The following CRBN variants were observed in gnomAD, a reference collection of about 807,000 sequenced individuals.
The protein encoded by CRBN is cereblon, also known as protein cereblon.
A neutral mutation model predicts 62.2 loss-of-function variants in CRBN; 53 were observed. That is an observed-to-expected ratio of 0.85 (90% CI 0.68 to 1.07). CRBN has a LOEUF of 1.07. Ranked by LOEUF, CRBN falls within the 50% of genes least tolerant of loss-of-function variation. The pLI, the probability that CRBN is intolerant of heterozygous loss-of-function variation, is 0.00. For synonymous variants in CRBN, 208 were observed against 176.1 expected, an observed-to-expected ratio of 1.18 and a Z score of -1.43; for missense variants, 616 against 531.1, an observed-to-expected ratio of 1.16 and a Z score of -1.57.
intron 1 of CRBN, among the ~76,000 whole-genome samples, chr3:3,177,886 A>G (rs1469274326): frequency 1.3e-5 from 2 of 152,206 alleles, no homozygotes; most frequent in Admixed American, 1.3e-4. Context: ...ACTACATGGA[A>G]TTATGGAAAG....
intron 1 of CRBN, among the ~76,000 whole-genome samples, chr3:3,176,460 G>T (rs141165808): frequency 1.2e-4 from 18 of 152,194 alleles, no homozygotes; most frequent in Non-Finnish European, 2.4e-4. Context: ...TGAAGGCCAG[G>T]TGTGGTGGCT....
chr3:3,179,717 A>G (rs760947906), upstream of CRBN: 10 of 1,606,900 alleles, frequency 6.2e-6, no homozygotes, highest in South Asian at 1.1e-4. Context: ...AGGCTGGGAC[A>G]GGGCGGTGCC....
Position 3,156,289 on chromosome 3 carries a change from C to A in CRBN, c.688-8G>T. ...TGCACAATGAAACTTTCTCTGAAAA[C>A]AAAACAAAAAGGCACTTAAAAAACC... On this transcript the variant is annotated splice_region_variant and splice_polypyrimidine_tract_variant and intron_variant, in intron 5 of 10. Transcript: ENST00000231948. 6.2e-7 allele frequency: 1 copy of A among 1,613,246 alleles called. No individual in the cohort carries two copies. The highest frequency in any genetic ancestry group is 2.2e-5 in the East Asian group (1 of 44,828).
At chr3:3,163,321 A>C (rs957549264) in intron 5 of CRBN, among the ~76,000 whole-genome samples, 2 of 152,198 alleles carry the variant, frequency 1.3e-5, no homozygotes, top group African/African-American at 4.8e-5. Flanking sequence ...GCCCTTGGCA[A>C]CTCTGAATAT....
At chr3:3,156,193 A>C (rs775957759) in intron 6 of CRBN, 26 bp downstream of exon 6, 2 of 1,588,936 alleles carry the variant, frequency 1.3e-6, no homozygotes, top group Admixed American at 3.3e-5. Context: ...ACCATATATA[A>C]AGTAAATTTA....
At chr3:3,177,705 GTC>G (rs892599571) in intron 1 of CRBN, among the ~76,000 whole-genome samples, 1 of 152,126 alleles carries the variant, frequency 6.6e-6, no homozygotes, top group African/African-American at 2.4e-5. Flanking sequence ...CTGACTCCTA[GTC>G]TCTAAATAAT....
At chr3:3,155,534 C>T (rs1706849380) in intron 6 of CRBN, 1 of 153,014 alleles carries the variant, frequency 6.5e-6, no homozygotes. Flanking sequence ...ACTCTGAAGT[C>T]AGTCTCTGAT....
At chr3:3,156,997 ACT>A (rs1360894872) in intron 5 of CRBN, among the ~76,000 whole-genome samples, 5 of 152,288 alleles carry the variant, frequency 3.3e-5, no homozygotes, top group Admixed American at 1.3e-4. Context: ...TGAGGGGGAG[ACT>A]CAATACTGTT....
chr3:3,167,314 T>C (rs945577152), intron 5 of CRBN: 12 of 238,022 alleles, frequency 5.0e-5, no homozygotes, highest in Non-Finnish European at 9.1e-5. Flanking sequence ...AATGGATGTT[T>C]ATAACTCAAG....
chr3:3,175,380 ACT>A (rs1183693573), intron 1 of CRBN, 111 bp from the exon 2 acceptor site: 3 of 772,418 alleles, frequency 3.9e-6, no homozygotes, highest in Non-Finnish European at 6.6e-6. Flanking sequence ...CATTTGGTAA[ACT>A]CTACAGCACC....
chr3:3,174,616 G>A (rs927619047), intron 2 of CRBN, among the ~76,000 whole-genome samples: 7 of 152,046 alleles, frequency 4.6e-5, no homozygotes, highest in African/African-American at 1.7e-4. Flanking sequence ...ACTCACTCGA[G>A]CTTGGGCGAC....
intron 1 of CRBN, among the ~76,000 whole-genome samples, chr3:3,178,017 C>CAAA (rs3840223): frequency 2.2e-5 from 3 of 133,466 alleles, no homozygotes; most frequent in African/African-American, 2.5e-5. Context: ...ACAAAACAAA[C>CAAA]AAAAAAAAAA....
intron 1 of CRBN, among the ~76,000 whole-genome samples, chr3:3,179,053 G>C (rs1027718248): frequency 6.6e-6 from 1 of 152,186 alleles, no homozygotes; most frequent in Admixed American, 6.5e-5. Flanking sequence ...GAGATATAAT[G>C]ACAGACACAC....
chr3:3,172,642 T>TGG (rs1559256042), intron 4 of CRBN, 134 bp downstream of exon 4: 20 of 914,778 alleles, frequency 2.2e-5, no homozygotes, highest in Non-Finnish European at 3.0e-5. Flanking sequence ...ACCACTGGGC[T>TGG]ATACCTTAGA....
At chr3:3,163,121 T>G (rs1707204812) in intron 5 of CRBN, among the ~76,000 whole-genome samples, 1 of 152,224 alleles carries the variant, frequency 6.6e-6, no homozygotes. Flanking sequence ...GTAGGTCACT[T>G]GGAGTCCAAA....
chr3:3,166,211 G>A (rs540645219), intron 5 of CRBN, among the ~76,000 whole-genome samples: 2 of 152,262 alleles, frequency 1.3e-5, no homozygotes, highest in Non-Finnish European at 2.9e-5. Flanking sequence ...TATGGGGGCA[G>A]GTCTTTCCTG....
At chr3:3,152,950 T>G (rs1575079971) in intron 9 of CRBN, 1 of 311,316 alleles carries the variant, frequency 3.2e-6, no homozygotes, top group South Asian at 3.6e-5. Flanking sequence ...GGCAGTTGAT[T>G]ATTTTGCAGA....
At chr3:3,171,467 C>G (rs1036590552) in intron 4 of CRBN, among the ~76,000 whole-genome samples, 6 of 151,384 alleles carry the variant, frequency 4.0e-5, no homozygotes, top group Non-Finnish European at 7.4e-5. Context: ...ATAAATAAGT[C>G]TTGGTCATTG....
intron 1 of CRBN, among the ~76,000 whole-genome samples, chr3:3,176,923 G>A (rs547830552): frequency 6.6e-6 from 1 of 152,312 alleles, no homozygotes; most frequent in African/African-American, 2.4e-5. Flanking sequence ...TACTAACTGT[G>A]AGTCTGTCCT....
Sources: allele counts gnomAD v4.1 joint callset (sites outside exome capture counted in the v4.1 genomes callset), GRCh38; gene constraint gnomAD v4.1.1; transcripts MANE v1.5; gene names NCBI Gene and HGNC (gene_info 2026-07-23, HGNC 2026-07-21).